TMEM132B: variants seen among roughly 807,000 people sequenced by gnomAD.
TMEM132B encodes transmembrane protein 132B.
TMEM132B carries 18 observed loss-of-function variants against 90.8 expected under a neutral mutation model. That is an observed-to-expected ratio of 0.20 (90% confidence interval 0.14 to 0.29). The LOEUF is 0.29. Among genes scored for constraint, TMEM132B ranks in the 10% least tolerant of loss-of-function variants. TMEM132B has a pLI of 1.00. For synonymous variants in TMEM132B, 504 were observed against 523.3 expected, an observed-to-expected ratio of 0.96 and a Z score of 0.50; for missense variants, 1,096 against 1,326.8, an observed-to-expected ratio of 0.83 and a Z score of 2.70.
chr12:125,587,784 A>C (rs1885215092), intron 5 of TMEM132B: 1 of 152,142 alleles, frequency 6.6e-6, no homozygotes. Context: ...GATAGACTTC[A>C]CTCTCTCACT....
chr12:125,298,531 T>C (rs1593074484), intron 1 of TMEM132B, among the ~76,000 whole-genome samples: 1 of 149,782 alleles, frequency 6.7e-6, no homozygotes. Flanking sequence ...AAAATTAGCT[T>C]GGTGTGGTGG....
At chr12:125,496,042 T>C (rs1882552937) in intron 3 of TMEM132B, among the ~76,000 whole-genome samples, 1 of 152,220 alleles carries the variant, frequency 6.6e-6, no homozygotes, top group Admixed American at 6.5e-5. Flanking sequence ...CACAACACAA[T>C]GTCATGTCCT....
chr12:125,229,087 G>A (rs138536584), intron 1 of TMEM132B, among the ~76,000 whole-genome samples: 1 of 152,270 alleles, frequency 6.6e-6, no homozygotes, highest in Non-Finnish European at 1.5e-5. Flanking sequence ...AGGAAGCCTG[G>A]GTCCCTCATG....
In TMEM132B at chr12:125,415,781, C is replaced by T. The variant is rs907695716; in HGVS notation, c.1106+104C>T. The T allele has an allele frequency of 2.1e-5, 29 of 1,361,690 alleles. No individual in the cohort carries two copies. The Admixed American group carries it at 2.9e-4, about 14-fold the overall frequency. 84.4% of individuals were successfully genotyped at this position (1,361,690 alleles called of 1,614,324 possible). The stretch of plus-strand genomic sequence containing the variant: ...GCGTGTGGATAAAGCGATGCCTCTG[C>T]GTTTAATGAGAAATGATTTTTGAGG... On this transcript the variant is annotated intron_variant, in intron 3 of 8. Transcript: ENST00000682704. This position sits in a 1 kb window ranked among gnomAD's most constrained non-coding sequence, Gnocchi z 5.3.
intron 4 of TMEM132B, among the ~76,000 whole-genome samples, chr12:125,530,445 G>T (rs896520716): frequency 2.0e-5 from 3 of 152,136 alleles, no homozygotes; most frequent in African/African-American, 7.2e-5. Flanking sequence ...CGCTATGTTA[G>T]GCAGGAAAAA....
At chr12:125,195,204 G>A (rs531915603) in intron 1 of TMEM132B, among the ~76,000 whole-genome samples, 40 of 152,004 alleles carry the variant, frequency 2.6e-4, no homozygotes, top group Admixed American at 5.9e-4. Flanking sequence ...GCCCCTGTCC[G>A]TGGTGCTGGG....
chr12:125,241,361 G>C (rs778496274), intron 1 of TMEM132B, among the ~76,000 whole-genome samples: 3 of 152,144 alleles, frequency 2.0e-5, no homozygotes, highest in Non-Finnish European at 4.4e-5. Flanking sequence ...AGGTCCTGCT[G>C]ACACACATAG....
intron 2 of TMEM132B, among the ~76,000 whole-genome samples, chr12:125,384,731 A>C (rs1239719888): frequency 6.6e-6 from 1 of 151,980 alleles, no homozygotes; most frequent in Non-Finnish European, 1.5e-5. Context: ...GCTCACTGCA[A>C]CCTCTGCCTC....
intron 5 of TMEM132B, among the ~76,000 whole-genome samples, chr12:125,631,179 T>C (rs1319944832): frequency 6.6e-6 from 1 of 152,108 alleles, no homozygotes; most frequent in Non-Finnish European, 1.5e-5. Flanking sequence ...TTTTCTTATG[T>C]TGTGTTTCCA....
intron 4 of TMEM132B, among the ~76,000 whole-genome samples, chr12:125,537,778 A>G (rs1259823313): frequency 6.6e-6 from 1 of 152,200 alleles, no homozygotes; most frequent in Non-Finnish European, 1.5e-5. Context: ...AGTTAGGAAC[A>G]TTGGGTCCTA....
Position 125,305,365 on chromosome 12 carries a change from A to T in TMEM132B, c.68-44087A>T, listed in dbSNP as rs147496861. On this transcript the variant is annotated intron_variant, in intron 1 of 8. Coordinates refer to ENST00000682704, the MANE Select transcript of TMEM132B (RefSeq NM_001366854.1). Reference sequence around the variant, plus strand: ...GCCGGAGCTCGTAACTAAAGTTCTGATGGGAAGTGGGAGTCCAATTTTAAT... The same window carrying T: ...GCCGGAGCTCGTAACTAAAGTTCTGTTGGGAAGTGGGAGTCCAATTTTAAT... 4.0e-3 allele frequency among the ~76,000 whole-genome samples: 599 copies of T among 151,046 alleles called. 10 individuals carry two copies. Among genetic ancestry groups the T allele is most frequent in the African/African-American group, 0.014 (575 of 41,034 alleles).
At chr12:125,258,835 T>C (rs759625149) in intron 1 of TMEM132B, among the ~76,000 whole-genome samples, 8 of 152,176 alleles carry the variant, frequency 5.3e-5, no homozygotes, top group East Asian at 3.8e-4. Context: ...CTGTTGTAGA[T>C]TGGATGATCA....
At chr12:125,443,654 T>C (rs1338821111) in intron 3 of TMEM132B, among the ~76,000 whole-genome samples, 3 of 152,218 alleles carry the variant, frequency 2.0e-5, no homozygotes, top group African/African-American at 7.2e-5. Flanking sequence ...AGTGAATTTA[T>C]CTTAAATTGA....
At chr12:125,608,265 A>T (rs1885743959) in intron 5 of TMEM132B, among the ~76,000 whole-genome samples, 1 of 152,198 alleles carries the variant, frequency 6.6e-6, no homozygotes. Context: ...TATCTTTTTA[A>T]TTATAGCCAT....
At chr12:125,190,133 G>A (rs143771480) in intron 1 of TMEM132B, among the ~76,000 whole-genome samples, 30 of 152,168 alleles carry the variant, frequency 2.0e-4, no homozygotes, top group African/African-American at 7.0e-4. Context: ...CACAGGGACC[G>A]CCTGTTCAGG....
chr12:125,291,060 C>T (rs867762529), intron 1 of TMEM132B, among the ~76,000 whole-genome samples: 2 of 152,172 alleles, frequency 1.3e-5, no homozygotes, highest in African/African-American at 4.8e-5. Context: ...ATCCCCAATG[C>T]GGTGGCACTG....
At chr12:125,516,124 C>T (rs557982038) in intron 3 of TMEM132B, among the ~76,000 whole-genome samples, 5 of 151,676 alleles carry the variant, frequency 3.3e-5, no homozygotes, top group South Asian at 4.2e-4. Context: ...CACACACTAT[C>T]GCAATCTCAC....
At chr12:125,548,499 T>A (rs1444889480) in intron 4 of TMEM132B, among the ~76,000 whole-genome samples, 1 of 152,174 alleles carries the variant, frequency 6.6e-6, no homozygotes, top group South Asian at 2.1e-4. Context: ...AAGTGACCTT[T>A]AAGCTAAGGA....
chr12:125,188,175 T>C (rs941655502), intron 1 of TMEM132B, among the ~76,000 whole-genome samples: 1 of 152,138 alleles, frequency 6.6e-6, no homozygotes, highest in African/African-American at 2.4e-5. Flanking sequence ...AAACCTTCTA[T>C]TGGAGATCTC....
Sources: gnomAD v4.1 joint callset for allele counts (sites outside exome capture counted in the v4.1 genomes callset) on GRCh38, gnomAD v4.1.1 for gene constraint, Gnocchi (gnomAD v3.1) non-coding constraint, MANE v1.5 for transcripts, NCBI Gene and HGNC (gene_info 2026-07-23, HGNC 2026-07-21) for gene names.